The following COG6 variants were observed in gnomAD, a reference collection of about 807,000 sequenced individuals.
The protein encoded by COG6 is conserved oligomeric Golgi complex subunit 6.
COG6 carries 74 observed loss-of-function variants against 88.8 expected under a neutral mutation model. The observed-to-expected ratio is 0.83, with a 90% confidence interval of 0.69 to 1.01. The LOEUF is 1.01. COG6 is among the 50% of genes least tolerant of loss of function. COG6 has a pLI of 0.00. For synonymous variants in COG6, 286 were observed against 278.7 expected, an observed-to-expected ratio of 1.03 and a Z score of -0.26; for missense variants, 800 against 797.9, an observed-to-expected ratio of 1.00 and a Z score of -0.03.
At chr13:39,703,800 C>T (rs1329521596) in intron 13 of COG6, among the ~76,000 whole-genome samples, 3 of 152,026 alleles carry the variant, frequency 2.0e-5, no homozygotes, top group Non-Finnish European at 4.4e-5. Context: ...TGCCCAGGAT[C>T]GTAGCTCACT....
intron 1 of COG6, 140 bp from the exon 2 acceptor site, chr13:39,659,224 A>C (rs1874731221): frequency 1.3e-6 from 1 of 751,554 alleles, no homozygotes; most frequent in South Asian, 1.6e-5. Context: ...ATGCTTCAGT[A>C]ATTTGAAGGT....
Position 39,751,026 on chromosome 13 carries a change from A to G in COG6, c.1907A>G (p.Asn636Ser). 6.2e-7 allele frequency: 1 copy of G among 1,613,738 alleles called. No homozygotes were observed. The highest frequency in any genetic ancestry group is 1.1e-5 in the South Asian group (1 of 91,068). The change falls in exon 19 of 19, where the codon AAT becomes AGT. Residue 636 changes from asparagine to serine, a missense_variant. Physicochemically the swap from Asn to Ser is conservative, Grantham distance 46. Coordinates refer to ENST00000455146, the MANE Select transcript of COG6 (RefSeq NM_020751.3). ...TATGCAGCCGTGATGAATCCAATCA[A>G]TGAATACAAAGATCCAGAGAACATT... The part of the protein sequence containing the change: ...EVYAAVMNPI[N>S]EYKDPENILH...
At chr13:39,763,153 C>T (rs1881072550) in intron 18 of COG6, among the ~76,000 whole-genome samples, 1 of 151,554 alleles carries the variant, frequency 6.6e-6, no homozygotes. Context: ...TATTATTTTC[C>T]CTTTCTGTAT....
intron 13 of COG6, among the ~76,000 whole-genome samples, chr13:39,705,324 G>A (rs1003611826): frequency 2.0e-5 from 3 of 152,108 alleles, no homozygotes; most frequent in Non-Finnish European, 4.4e-5. Flanking sequence ...TGAGAAAAAG[G>A]AAATTCAAGG....
intron 18 of COG6, among the ~76,000 whole-genome samples, chr13:39,769,222 G>A (rs1183264783): frequency 6.6e-6 from 1 of 152,174 alleles, no homozygotes; most frequent in Non-Finnish European, 1.5e-5. Flanking sequence ...TTATGCATGA[G>A]AATTTCCCTA....
chr13:39,710,771 C>A (rs550320408), intron 13 of COG6, among the ~76,000 whole-genome samples: 1 of 151,840 alleles, frequency 6.6e-6, no homozygotes, highest in East Asian at 1.9e-4. Context: ...TTTTGTATTT[C>A]ATACAAACTC....
At position 39,655,907 on chromosome 13, in the gene COG6, A is replaced by C. The variant is rs184916568; in HGVS notation, c.153+28A>C. ...AACCGGGGCTGGCGGGGCCGGAGTC[A>C]CAGGTTCCTGCGGGGCTGAGCCGGG... On this transcript the variant is annotated intron_variant, in intron 1 of 18. Coordinates refer to ENST00000455146, the MANE Select transcript of COG6 (RefSeq NM_020751.3). The C allele has an allele frequency of 4.4e-6, 7 of 1,592,312 alleles. No individual in the cohort carries two copies. The East Asian group carries it at 1.6e-4, about 36-fold the overall frequency.
At chr13:39,749,519 G>GAAGC (rs1290131823) in intron 18 of COG6, among the ~76,000 whole-genome samples, 1 of 152,204 alleles carries the variant, frequency 6.6e-6, no homozygotes, top group Non-Finnish European at 1.5e-5. Flanking sequence ...AGAAAATGTA[G>GAAGC]AAGCTTTATT....
intron 14 of COG6, 50 bp downstream of exon 14, chr13:39,719,417 C>A: frequency 6.4e-7 from 1 of 1,557,252 alleles, no homozygotes. Context: ...TTCTATTGTA[C>A]ACTGTGTTTC....
At position 39,655,860 on chromosome 13, in the gene COG6, C is replaced by T. The variant is rs545371712; in HGVS notation, c.134C>T (p.Thr45Met). 1.4e-5 allele frequency: 22 copies of T among 1,606,756 alleles called. No homozygotes were observed. The Admixed American group carries it at 3.2e-4, about 23-fold the overall frequency. ...LSRKLHKILETRLDNDKEMLE... is the reference protein window; with the variant it reads ...LSRKLHKILEMRLDNDKEMLE... ...CGCAAGCTGCATAAGATCCTGGAGA[C>T]GCGGCTGGACAACGACAAGGTAACC... Residue 45 changes from threonine to methionine, a missense_variant, in exon 1 of 19, where the codon ACG becomes ATG. Transcript: ENST00000455146.
intron 16 of COG6, 99 bp downstream of exon 16, chr13:39,723,539 G>A (rs1248333987): frequency 4.0e-6 from 3 of 742,532 alleles, no homozygotes; most frequent in Non-Finnish European, 7.2e-6. Flanking sequence ...CCACATATTA[G>A]CTGTGTTCTC....
intron 12 of COG6, among the ~76,000 whole-genome samples, chr13:39,696,432 GTT>G (rs1268835817): frequency 6.6e-6 from 1 of 151,870 alleles, no homozygotes; most frequent in African/African-American, 2.4e-5. Flanking sequence ...GTGTGTGACT[GTT>G]TTTGAGGCCA....
chr13:39,720,187 C>T (rs1463531789), intron 15 of COG6, among the ~76,000 whole-genome samples: 1 of 152,024 alleles, frequency 6.6e-6, no homozygotes, highest in African/African-American at 2.4e-5. Context: ...GAATAATATG[C>T]TATATTTTTC....
intron 14 of COG6, 29 bp downstream of exon 14, chr13:39,719,396 G>T (rs749285741): frequency 6.2e-7 from 1 of 1,603,934 alleles, no homozygotes; most frequent in Non-Finnish European, 8.5e-7. Context: ...TTTAATGATT[G>T]TTTTTTGCTC....
intron 4 of COG6, among the ~76,000 whole-genome samples, chr13:39,674,868 CG>C (rs1555275101): frequency 5.9e-5 from 9 of 151,950 alleles, no homozygotes. Context: ...GATTTGGTAC[CG>C]TCAGCAGTTT....
intron 18 of COG6, among the ~76,000 whole-genome samples, chr13:39,780,604 G>A (rs1881600464): frequency 1.3e-5 from 2 of 152,176 alleles, no homozygotes; most frequent in Non-Finnish European, 2.9e-5. Context: ...TTGGCTTTAG[G>A]ATAAATGCTT....
upstream of COG6, chr13:39,655,655 G>A (rs1236405559): frequency 3.3e-6 from 5 of 1,518,978 alleles, no homozygotes; most frequent in East Asian, 1.2e-4. Context: ...ATTTGCACAT[G>A]CGCAATACTC....
chr13:39,780,917 G>A (rs971993884), intron 18 of COG6, among the ~76,000 whole-genome samples: 1 of 152,084 alleles, frequency 6.6e-6, no homozygotes, highest in Non-Finnish European at 1.5e-5. Flanking sequence ...TTTTCTTCTT[G>A]GAAAATGGCC....
chr13:39,671,589 G>C (rs1392584754), intron 4 of COG6, among the ~76,000 whole-genome samples: 1 of 151,632 alleles, frequency 6.6e-6, no homozygotes, highest in Non-Finnish European at 1.5e-5. Context: ...TGTTGTTTAT[G>C]CCCATCATAT....
Sources: gnomAD v4.1 joint callset for allele counts (sites outside exome capture counted in the v4.1 genomes callset) on GRCh38, gnomAD v4.1.1 for gene constraint, MANE v1.5 for transcripts, NCBI Gene and HGNC (gene_info 2026-07-23, HGNC 2026-07-21) for gene names.